The following RPS6KA2 variants were observed in gnomAD, a reference collection of about 807,000 sequenced individuals.
RPS6KA2 encodes the protein ribosomal protein S6 kinase alpha-2.
In RPS6KA2, 42 loss-of-function variants were observed where a neutral mutation model predicts 91.8. The observed-to-expected ratio is 0.46, with a 90% CI of 0.36 to 0.59. The LOEUF is 0.59. Among genes scored for constraint, RPS6KA2 ranks in the 20% least tolerant of loss-of-function variants. RPS6KA2 has a pLI of 0.00. For missense variants in RPS6KA2, 798 were observed against 978.5 expected (o/e 0.82, Z 2.46); for synonymous variants, 414 against 393.6 (o/e 1.05, Z -0.61).
rs1778427883 is a variant in RPS6KA2, at chr6:166,770,167, C to T, written c.123+88033G>A. 6.6e-6 allele frequency among the ~76,000 whole-genome samples: 1 copy of T among 152,218 alleles called. No homozygotes were observed. On this transcript the variant is annotated intron_variant, in intron 2 of 21. Coordinates refer to the RPS6KA2 transcript ENST00000503859. The surrounding 1 kb of genome is among the most constrained non-coding windows in gnomAD (Gnocchi z 5.1). ...GATCAATCCCATGGTGTCACAACCA[C>T]ATGTGGCGTGACTACCGACTTACTA...
chr6:166,441,883 C>T (rs947360274), intron 14 of RPS6KA2, among the ~76,000 whole-genome samples: 3 of 152,216 alleles, frequency 2.0e-5, no homozygotes, highest in East Asian at 1.9e-4. Flanking sequence ...GGCCGGGGGC[C>T]GGGACCCTGG....
intron 2 of RPS6KA2, among the ~76,000 whole-genome samples, chr6:166,719,441 T>C (rs1331143886): frequency 6.6e-6 from 1 of 152,246 alleles, no homozygotes; most frequent in Admixed American, 6.5e-5. Context: ...CAAGGTTTGA[T>C]ATCAATGAGA....
chr6:166,525,118 T>C (rs1782981517), intron 3 of RPS6KA2, among the ~76,000 whole-genome samples: 1 of 152,218 alleles, frequency 6.6e-6, no homozygotes, highest in African/African-American at 2.4e-5. Context: ...CCCTGTTTGA[T>C]GAAGATGAGG....
chr6:166,504,484 G>A (rs1782128160), intron 6 of RPS6KA2, 22 bp downstream of exon 6: 1 of 1,460,706 alleles, frequency 6.8e-7, no homozygotes, highest in African/African-American at 1.4e-5. Context: ...GGGGAAGTCA[G>A]CCCTAGTTTT....
rs140205788 is a variant in RPS6KA2 at position 166,768,374 on chromosome 6, C to A, written c.123+89826G>T. Reference sequence around the variant, plus strand: ...ACAATTAGCTGTGAAACTAGAGGCACCTTGCAGGACTTATTAGGCAAAATC... The same window carrying A: ...ACAATTAGCTGTGAAACTAGAGGCAACTTGCAGGACTTATTAGGCAAAATC... On this transcript the variant is annotated intron_variant, in intron 2 of 21. Coordinates refer to the RPS6KA2 transcript ENST00000503859. Among the ~76,000 whole-genome samples, 104 of 152,296 alleles carry A rather than the reference C, an allele frequency of 6.8e-4. 2 individuals carry two copies. The highest frequency in any genetic ancestry group is 2.4e-3 in the African/African-American group (99 of 41,552).
intron 2 of RPS6KA2, among the ~76,000 whole-genome samples, chr6:166,679,829 G>A (rs1011060083): frequency 6.6e-6 from 1 of 152,232 alleles, no homozygotes; most frequent in African/African-American, 2.4e-5. Context: ...AGGTGAGCGC[G>A]GCTCGGCAAG....
At chr6:166,753,877 C>A (rs1027259920) in intron 2 of RPS6KA2, among the ~76,000 whole-genome samples, 1 of 152,134 alleles carries the variant, frequency 6.6e-6, no homozygotes, top group Non-Finnish European at 1.5e-5. Context: ...GCCCACTTTC[C>A]CGAAATTTCA....
intron 2 of RPS6KA2, among the ~76,000 whole-genome samples, chr6:166,827,463 CCT>C (rs548807011): frequency 1.3e-3 from 203 of 152,178 alleles, no homozygotes; most frequent in African/African-American, 4.7e-3. Context: ...TCTTTAAACA[CCT>C]CTGTCTTTAT....
At chr6:166,682,603 C>T (rs1788861062) in intron 2 of RPS6KA2, among the ~76,000 whole-genome samples, 1 of 152,218 alleles carries the variant, frequency 6.6e-6, no homozygotes, top group Non-Finnish European at 1.5e-5. Flanking sequence ...CCATAATTAG[C>T]TGTCGAATAA....
At chr6:166,762,992 T>C (rs1778217291) in intron 2 of RPS6KA2, among the ~76,000 whole-genome samples, 1 of 152,240 alleles carries the variant, frequency 6.6e-6, no homozygotes, top group Non-Finnish European at 1.5e-5. Context: ...CTCTCCTCAA[T>C]GCGTGGATAG....
chr6:166,508,175 C>T lies in RPS6KA2; in HGVS notation c.459+28G>A, dbSNP rs368794472. 1.1e-5 allele frequency: 16 copies of T among 1,510,772 alleles called. No homozygotes were observed. The African/African-American group carries it at 1.9e-4, about 18-fold the overall frequency. The allele number at this position is 1,510,772 out of a possible 1,614,324, so 93.6% of individuals were successfully genotyped here. On this transcript the variant is annotated intron_variant, in intron 5 of 20. Coordinates refer to ENST00000265678, the MANE Select transcript of RPS6KA2 (RefSeq NM_021135.6). This position sits in a 1 kb window ranked among gnomAD's most constrained non-coding sequence, Gnocchi z 4.3. ...GTCCCAGACAGAAGCTCCTGCCCGC[C>T]CTCCTGTGTGATGTGGCGGCTGCTC...
chr6:166,451,330 T>A, intron 12 of RPS6KA2, 97 bp from the exon 13 acceptor site: 1 of 1,336,840 alleles, frequency 7.5e-7, no homozygotes, highest in Non-Finnish European at 1.0e-6. Context: ...TGTGTGCAAG[T>A]CCGTGTGTGT....
chr6:166,530,906 C>G (rs559655959), intron 3 of RPS6KA2, among the ~76,000 whole-genome samples: 219 of 152,366 alleles, frequency 1.4e-3, no homozygotes, highest in Non-Finnish European at 2.3e-3. Flanking sequence ...GGTATCGAGG[C>G]TGGTTTGTCA....
intron 1 of RPS6KA2, among the ~76,000 whole-genome samples, chr6:166,597,074 G>T (rs1785558274): frequency 1.3e-5 from 2 of 152,338 alleles, no homozygotes; most frequent in Middle Eastern, 3.4e-3. Context: ...GGCCACAGAT[G>T]CTGAGAACCA....
At chr6:166,764,203 A>G (rs1778245473) in intron 2 of RPS6KA2, among the ~76,000 whole-genome samples, 1 of 152,132 alleles carries the variant, frequency 6.6e-6, no homozygotes, top group African/African-American at 2.4e-5. Flanking sequence ...CCCAGCTCAG[A>G]GCTGGGAAGA....
upstream of RPS6KA2, among the ~76,000 whole-genome samples, chr6:166,630,045 G>A (rs1271120047): frequency 1.1e-4 from 17 of 152,272 alleles, no homozygotes; most frequent in Admixed American, 8.5e-4. Flanking sequence ...TCTAATTGGC[G>A]AAGTCAAGGA....
At chr6:166,478,974 G>C (rs1415601366) in intron 10 of RPS6KA2, among the ~76,000 whole-genome samples, 1 of 152,224 alleles carries the variant, frequency 6.6e-6, no homozygotes, top group African/African-American at 2.4e-5. Context: ...TGCGTGGCGT[G>C]GGTCTGAGCA....
chr6:166,853,905 G>A (rs1414067462), intron 2 of RPS6KA2, among the ~76,000 whole-genome samples: 1 of 152,240 alleles, frequency 6.6e-6, no homozygotes, highest in Non-Finnish European at 1.5e-5. Context: ...AGAGGCCAGA[G>A]CCTCAGGGAG....
chr6:166,423,126 C>T lies in RPS6KA2; in HGVS notation c.1743+130G>A, dbSNP rs1446158407. On this transcript the variant is annotated intron_variant, in intron 17 of 20. Coordinates refer to ENST00000265678, the MANE Select transcript of RPS6KA2 (RefSeq NM_021135.6). This position sits in a 1 kb window ranked among gnomAD's most constrained non-coding sequence, Gnocchi z 4.8. ...AGACTGAAGGTTCTCGTTTCTGTTTCCCAACACCACTGCTGACGCAGCTCA... is the reference window on the plus strand; with the variant it reads ...AGACTGAAGGTTCTCGTTTCTGTTTTCCAACACCACTGCTGACGCAGCTCA... 1 of 893,560 alleles carries T rather than the reference C, an allele frequency of 1.1e-6. No homozygotes were observed. Among genetic ancestry groups the T allele is most frequent in the East Asian group, 2.7e-5 (1 of 37,192 alleles). 55.4% of individuals were successfully genotyped at this position (893,560 alleles called of 1,614,324 possible).
Sources: gnomAD v4.1 joint callset for allele counts (sites outside exome capture counted in the v4.1 genomes callset) on GRCh38, gnomAD v4.1.1 for gene constraint, Gnocchi (gnomAD v3.1) non-coding constraint, MANE v1.5 for transcripts, NCBI Gene and HGNC (gene_info 2026-07-23, HGNC 2026-07-21) for gene names.